DHRSX: variants seen among roughly 807,000 people sequenced by gnomAD.
DHRSX encodes the protein polyprenol dehydrogenase.
Under a neutral mutation model 34.0 loss-of-function variants are expected in DHRSX, and 31 were observed. The observed-to-expected ratio is 0.91, with a 90% confidence interval of 0.69 to 1.23. The LOEUF (loss-of-function observed/expected upper bound fraction) is 1.23. Ranked by LOEUF, DHRSX falls within the 50% of genes most tolerant of loss-of-function variation. The probability of loss-of-function intolerance (pLI) is 0.00; values close to 1 mark genes in which losing one functional copy is unlikely to be tolerated. For missense variants in DHRSX, 414 were observed against 428.1 expected, an observed-to-expected ratio of 0.97 and a Z score of 0.29; for synonymous variants, 201 against 183.8, an observed-to-expected ratio of 1.09 and a Z score of -0.76.
Position 2,242,925 on chromosome X carries a change from G to A in DHRSX, c.804+98C>T, listed in dbSNP as rs192710379. ...AGCCGTCCTGAATTCTTTCTTGCAC[G>A]AGATCCAAGAACCCTCCCTTGGGGT... On this transcript the variant is annotated intron_variant, in intron 6 of 6. Transcript: ENST00000334651. 421 of 1,195,348 alleles carry A rather than the reference G, an allele frequency of 3.5e-4. 1 individual carries two copies. In the African/African-American group the frequency reaches 5.6e-3, roughly 16 times the overall value. 74.0% of individuals were successfully genotyped at this position (1,195,348 alleles called of 1,614,324 possible). A position where few individuals can be genotyped will look rare whatever the true frequency, so the allele number is the denominator to read the frequency against.
At chrX:2,475,898 A>G (rs2044671688) in intron 1 of DHRSX, among the ~76,000 whole-genome samples, 1 of 152,180 alleles carries the variant, frequency 6.6e-6, no homozygotes, top group South Asian at 2.1e-4. Context: ...GGGGTGGTGT[A>G]ACTGCAGTAA....
chrX:2,298,498 C>T (rs1426950792), intron 3 of DHRSX, among the ~76,000 whole-genome samples: 1 of 151,282 alleles, frequency 6.6e-6, no homozygotes, highest in Non-Finnish European at 1.5e-5. Context: ...GACTCCAGCA[C>T]ACTCAGCCAG....
At chrX:2,277,064 A>G (rs1359718455) in intron 4 of DHRSX, among the ~76,000 whole-genome samples, 1 of 80,078 alleles carries the variant, frequency 1.2e-5, no homozygotes, top group African/African-American at 8.9e-5. Context: ...GGGAGGAAAT[A>G]GGGGGAAAGA....
chrX:2,242,677 C>G, intron 6 of DHRSX, among the ~76,000 whole-genome samples: 1 of 152,198 alleles, frequency 6.6e-6, no homozygotes, highest in East Asian at 1.9e-4. Flanking sequence ...CGGCTACATT[C>G]CCACCAGCGC....
chrX:2,342,705 G>T (rs1434478562), intron 3 of DHRSX, among the ~76,000 whole-genome samples: 1 of 152,112 alleles, frequency 6.6e-6, no homozygotes, highest in Non-Finnish European at 1.5e-5. Flanking sequence ...CAGTTTCCAT[G>T]ATTCCCACGC....
At chrX:2,256,058 G>A (rs1236431729) in intron 5 of DHRSX, among the ~76,000 whole-genome samples, 6 of 146,560 alleles carry the variant, frequency 4.1e-5, no homozygotes, top group Admixed American at 2.7e-4. Flanking sequence ...GCAGTGGTGC[G>A]ATCTTGGCTC....
At position 2,313,363 on chromosome X, in the gene DHRSX, A is replaced by AT. The variant is rs367783184; in HGVS notation, c.287-21761dup. Among the ~76,000 whole-genome samples, 111 of 146,652 alleles carry AT rather than the reference A, an allele frequency of 7.6e-4. 2 individuals are homozygous for AT. The highest frequency in any genetic ancestry group is 2.4e-3 in the African/African-American group (96 of 39,814). On this transcript the variant is annotated intron_variant, in intron 3 of 6. Transcript: ENST00000334651. The stretch of plus-strand genomic sequence containing the variant: ...TATAGCTTCCATGTATTGATTTATG[A>AT]TTTTTTTTTTACTTATTATTTTTGA...
At chrX:2,236,919 T>C (rs1298077032) in intron 6 of DHRSX, among the ~76,000 whole-genome samples, 2 of 149,318 alleles carry the variant, frequency 1.3e-5, no homozygotes, top group Non-Finnish European at 3.0e-5. Flanking sequence ...CTGGGTAGGG[T>C]GTCTCATGCC....
chrX:2,228,935 ACTAC>A (rs1462736738), intron 6 of DHRSX, among the ~76,000 whole-genome samples: 4 of 152,134 alleles, frequency 2.6e-5, no homozygotes. Context: ...CTGCAAGGAA[ACTAC>A]CTAACGCTCC....
At chrX:2,405,406 T>C (rs974207136) in intron 3 of DHRSX, among the ~76,000 whole-genome samples, 2 of 151,984 alleles carry the variant, frequency 1.3e-5, no homozygotes, top group Non-Finnish European at 2.9e-5. Flanking sequence ...GAGAATCGCT[T>C]GAACCCGGGC....
At chrX:2,371,727 C>A (rs1054932746) in intron 3 of DHRSX, among the ~76,000 whole-genome samples, 1 of 151,850 alleles carries the variant, frequency 6.6e-6, no homozygotes, top group Non-Finnish European at 1.5e-5. Context: ...CCCTCCTCCT[C>A]CCATTATCAC....
intron 3 of DHRSX, among the ~76,000 whole-genome samples, chrX:2,303,490 G>T (rs1472865798): frequency 6.6e-6 from 1 of 152,120 alleles, no homozygotes; most frequent in Non-Finnish European, 1.5e-5. Context: ...AGACGTGCTG[G>T]CTTCCACTTC....
chrX:2,234,284 C>T (rs1468457871), intron 6 of DHRSX, among the ~76,000 whole-genome samples: 2 of 149,132 alleles, frequency 1.3e-5, no homozygotes, highest in Non-Finnish European at 3.0e-5. Flanking sequence ...CAGCTGGCTC[C>T]ATGCATGTGC....
At chrX:2,331,442 T>TTTTTTTG (rs2042473802) in intron 3 of DHRSX, among the ~76,000 whole-genome samples, 3 of 68,590 alleles carry the variant, frequency 4.4e-5, no homozygotes, top group Non-Finnish European at 8.6e-5. Context: ...TTTGGTTTTT[T>TTTTTTTG]TTTTTTTTTT....
intron 3 of DHRSX, chrX:2,392,314 A>G (rs2043344297): frequency 6.1e-6 from 1 of 163,668 alleles, no homozygotes; most frequent in Admixed American, 6.4e-5. Flanking sequence ...TTCATAAAGT[A>G]TATGTAAAGC....
At chrX:2,354,707 G>A (rs1260367341) in intron 3 of DHRSX, among the ~76,000 whole-genome samples, 7 of 152,064 alleles carry the variant, frequency 4.6e-5, no homozygotes, top group African/African-American at 1.2e-4. Context: ...TGGTCTGCCC[G>A]CCTCAGCCTC....
chrX:2,363,240 A>T (rs2042956176), intron 3 of DHRSX, among the ~76,000 whole-genome samples: 1 of 119,434 alleles, frequency 8.4e-6, no homozygotes. Context: ...ATGCCATTTT[A>T]TCACCTTTCT....
intron 3 of DHRSX, among the ~76,000 whole-genome samples, chrX:2,313,178 A>AT (rs1285147137): frequency 7.4e-5 from 11 of 149,188 alleles, no homozygotes; most frequent in Non-Finnish European, 1.0e-4. Context: ...AATTTTTTGT[A>AT]TTTTTAGTCA....
chrX:2,270,204 T>G (rs1167466516), intron 4 of DHRSX, among the ~76,000 whole-genome samples: 2 of 152,148 alleles, frequency 1.3e-5, no homozygotes, highest in African/African-American at 4.8e-5. Flanking sequence ...TACCTGCCTG[T>G]GTTTGTGTAC....
Sources: allele counts gnomAD v4.1 joint callset (sites outside exome capture counted in the v4.1 genomes callset), GRCh38; gene constraint gnomAD v4.1.1; transcripts MANE v1.5; gene names NCBI Gene and HGNC (gene_info 2026-07-23, HGNC 2026-07-21).